SETBP1: variants seen among roughly 807,000 people sequenced by gnomAD.
The protein encoded by SETBP1 is SET binding protein 1.
In SETBP1, 9 loss-of-function variants were observed where a neutral mutation model predicts 101.0. The ratio of observed to expected loss-of-function variants is 0.09; its 90% confidence interval spans 0.05 to 0.16. The LOEUF (loss-of-function observed/expected upper bound fraction) is 0.16, where lower values mean the gene tolerates loss of function less well. Ranked by LOEUF, SETBP1 falls within the 10% of genes least tolerant of loss-of-function variation. The pLI, the probability that SETBP1 is intolerant of heterozygous loss-of-function variation, is 1.00. For synonymous variants in SETBP1, 818 were observed against 788.5 expected, an observed-to-expected ratio of 1.04 and a Z score of -0.63; for missense variants, 1,858 against 2,033.8, an observed-to-expected ratio of 0.91 and a Z score of 1.66.
At chr18:44,728,249 A>G (rs1302345856) in intron 2 of SETBP1, among the ~76,000 whole-genome samples, 1 of 152,242 alleles carries the variant, frequency 6.6e-6, no homozygotes, top group African/African-American at 2.4e-5. Flanking sequence ...AGGCAGAAGT[A>G]GAAACCTTCT....
At chr18:44,919,014 G>A (rs1046150501) in intron 3 of SETBP1, among the ~76,000 whole-genome samples, 2 of 152,280 alleles carry the variant, frequency 1.3e-5, no homozygotes, top group South Asian at 2.1e-4. Context: ...AGCATAGCTC[G>A]GCCCAGTGCC....
At chr18:44,816,049 G>A (rs374007697) in intron 2 of SETBP1, among the ~76,000 whole-genome samples, 1 of 152,168 alleles carries the variant, frequency 6.6e-6, no homozygotes, top group Non-Finnish European at 1.5e-5. Flanking sequence ...TAGAGAAACA[G>A]TCGAGAGACC....
intron 3 of SETBP1, among the ~76,000 whole-genome samples, chr18:44,916,276 T>G (rs2070425223): frequency 6.6e-6 from 1 of 152,142 alleles, no homozygotes; most frequent in Non-Finnish European, 1.5e-5. Context: ...ATCATCCTTC[T>G]TATTGATGCT....
intron 2 of SETBP1, among the ~76,000 whole-genome samples, chr18:44,808,012 T>C (rs2071784379): frequency 6.6e-6 from 1 of 152,186 alleles, no homozygotes; most frequent in Admixed American, 6.5e-5. Flanking sequence ...ATCTGGCTCT[T>C]AGAAAGGTTT....
intron 2 of SETBP1, among the ~76,000 whole-genome samples, chr18:44,828,349 T>C (rs1480027196): frequency 6.6e-6 from 1 of 152,206 alleles, no homozygotes; most frequent in African/African-American, 2.4e-5. Context: ...AGCTGCCACA[T>C]GTGCTGTCTT....
chr18:44,705,900 C>T (rs2069206389), intron 2 of SETBP1, among the ~76,000 whole-genome samples: 1 of 152,176 alleles, frequency 6.6e-6, no homozygotes, highest in Non-Finnish European at 1.5e-5. Flanking sequence ...GAAGTACTAC[C>T]TCCCTGGCTC....
intron 3 of SETBP1, among the ~76,000 whole-genome samples, chr18:44,921,230 T>G (rs1459085599): frequency 1.3e-5 from 2 of 152,240 alleles, no homozygotes; most frequent in Admixed American, 1.3e-4. Flanking sequence ...GTGTAATAAA[T>G]GATGCTTAAA....
chr18:44,920,972 T>G lies in SETBP1; in HGVS notation c.541-28909T>G, dbSNP rs147909809. The stretch of plus-strand genomic sequence containing the variant: ...TTACAGGAATATGGTGTAATTGGAA[T>G]AGCGCTGAACTGACAAGTCTGAGGC... On this transcript the variant is annotated intron_variant, in intron 3 of 5. Transcript: ENST00000649279. Among the ~76,000 whole-genome samples, 9 of 152,362 alleles carry G rather than the reference T, an allele frequency of 5.9e-5. No homozygotes were observed. The East Asian group carries it at 1.7e-3, about 29-fold the overall frequency.
At chr18:44,708,283 T>C (rs2069264117) in intron 2 of SETBP1, among the ~76,000 whole-genome samples, 1 of 152,188 alleles carries the variant, frequency 6.6e-6, no homozygotes, top group Non-Finnish European at 1.5e-5. Context: ...ACTTGGCCTC[T>C]CTTCTTCTGG....
At chr18:44,718,745 C>T (rs1215275364) in intron 2 of SETBP1, among the ~76,000 whole-genome samples, 1 of 152,148 alleles carries the variant, frequency 6.6e-6, no homozygotes, top group East Asian at 1.9e-4. Flanking sequence ...GTCTGTAGTT[C>T]TGGCTCTGGG....
chr18:45,045,622 G>A (rs1380887816), intron 5 of SETBP1, among the ~76,000 whole-genome samples: 4 of 152,114 alleles, frequency 2.6e-5, no homozygotes, highest in African/African-American at 9.7e-5. Flanking sequence ...GAAATGCTCT[G>A]GTTGAATGCA....
At chr18:44,742,845 T>C (rs1289071534) in intron 2 of SETBP1, among the ~76,000 whole-genome samples, 1 of 152,138 alleles carries the variant, frequency 6.6e-6, no homozygotes, top group Non-Finnish European at 1.5e-5. Flanking sequence ...TCACTGGTTC[T>C]GTTGCTCTCC....
At chr18:44,880,289 A>T (rs2069500388) in intron 3 of SETBP1, among the ~76,000 whole-genome samples, 1 of 152,226 alleles carries the variant, frequency 6.6e-6, no homozygotes, top group African/African-American at 2.4e-5. Flanking sequence ...GAAAAGAGCC[A>T]TCCAGGCTGC....
chr18:45,033,044 G>A (rs542900502), intron 4 of SETBP1, among the ~76,000 whole-genome samples: 7 of 152,124 alleles, frequency 4.6e-5, no homozygotes, highest in African/African-American at 1.4e-4. Context: ...CAAAACCTAC[G>A]GGTATCTATT....
chr18:44,812,555 G>T (rs888957840), intron 2 of SETBP1, among the ~76,000 whole-genome samples: 6 of 152,096 alleles, frequency 3.9e-5, no homozygotes, highest in Non-Finnish European at 7.4e-5. Context: ...TTTGCTCATT[G>T]GTTTGGCATG....
chr18:44,968,158 G>A (rs2071761176), intron 4 of SETBP1, among the ~76,000 whole-genome samples: 1 of 152,262 alleles, frequency 6.6e-6, no homozygotes, highest in Middle Eastern at 3.4e-3. Flanking sequence ...TTGGATTTAG[G>A]TACACTGGGA....
At position 44,930,240 on chromosome 18, in the gene SETBP1, A is replaced by C. The variant is rs9675939; in HGVS notation, c.541-19641A>C. ...TCTGTTTATATGCTGGATTATGTTT[A>C]TGGATTTGCATATGTTGAACCAGCC... is the stretch of plus-strand genomic sequence containing the variant. On this transcript the variant is annotated intron_variant, in intron 3 of 5. Transcript: ENST00000649279. 7.6e-3 allele frequency among the ~76,000 whole-genome samples: 1,160 copies of C among 152,298 alleles called. 17 individuals carry two copies. Among genetic ancestry groups the C allele is most frequent in the African/African-American group, 0.026 (1,090 of 41,548 alleles).
At chr18:44,699,051 C>T (rs1599003578) in intron 1 of SETBP1, among the ~76,000 whole-genome samples, 1 of 152,130 alleles carries the variant, frequency 6.6e-6, no homozygotes, top group South Asian at 2.1e-4. Context: ...TTAGAGTTCA[C>T]CTTCTTTTAT....
intron 4 of SETBP1, among the ~76,000 whole-genome samples, chr18:45,003,939 A>G (rs1191424152): frequency 1.3e-5 from 2 of 152,314 alleles, no homozygotes; most frequent in African/African-American, 4.8e-5. Context: ...GCCCCCCACC[A>G]GGAGACTTTT....
Sources: gnomAD v4.1 joint callset for allele counts (sites outside exome capture counted in the v4.1 genomes callset) on GRCh38, gnomAD v4.1.1 for gene constraint, MANE v1.5 for transcripts, NCBI Gene and HGNC (gene_info 2026-07-23, HGNC 2026-07-21) for gene names.